USP45: variants seen among roughly 807,000 people sequenced by gnomAD.
The protein encoded by USP45 is ubiquitin carboxyl-terminal hydrolase 45.
Under a neutral mutation model 95.8 loss-of-function variants are expected in USP45, and 89 were observed. The ratio of observed to expected loss-of-function variants is 0.93; its 90% CI spans 0.78 to 1.11. The LOEUF (loss-of-function observed/expected upper bound fraction) is 1.11, where lower values mean the gene tolerates loss of function less well. Ranked by LOEUF, USP45 falls within the 50% of genes least tolerant of loss-of-function variation. The pLI is 0.00. For synonymous variants in USP45, 281 were observed against 316.2 expected, an observed-to-expected ratio of 0.89 and a Z score of 1.18; for missense variants, 898 against 942.5, an observed-to-expected ratio of 0.95 and a Z score of 0.62.
chr6:99,451,368 C>G (rs1320170084), intron 13 of USP45, among the ~76,000 whole-genome samples: 1 of 152,274 alleles, frequency 6.6e-6, no homozygotes, highest in Non-Finnish European at 1.5e-5. Flanking sequence ...GCAAAAATCA[C>G]AAGCATTCTT....
intron 1 of USP45, 67 bp downstream of exon 1, chr6:99,515,325 A>AGCGAAGACCGAGAAACT (rs1159616492): frequency 2.6e-5 from 4 of 152,222 alleles, no homozygotes; most frequent in Non-Finnish European, 5.9e-5. Context: ...AGGTCGCCGA[A>AGCGAAGACCGAGAAACT]GCGAAGACCG....
intron 13 of USP45, among the ~76,000 whole-genome samples, chr6:99,448,895 C>G (rs902181584): frequency 1.3e-5 from 2 of 152,032 alleles, no homozygotes; most frequent in African/African-American, 4.8e-5. Flanking sequence ...AGAATTTTCA[C>G]CCCAGAATTT....
chr6:99,503,123 T>G (rs901354231), intron 5 of USP45, among the ~76,000 whole-genome samples: 1 of 152,186 alleles, frequency 6.6e-6, no homozygotes, highest in Non-Finnish European at 1.5e-5. Context: ...AGTAACTCCA[T>G]AAGACAGAAT....
chr6:99,485,083 AT>A, intron 7 of USP45, among the ~76,000 whole-genome samples: 1 of 149,994 alleles, frequency 6.7e-6, no homozygotes, highest in African/African-American at 2.5e-5. Flanking sequence ...TAATCCTAGC[AT>A]TTTGGGAGGC....
At chr6:99,506,927 TG>T (rs1189042676) in intron 4 of USP45, among the ~76,000 whole-genome samples, 1 of 152,174 alleles carries the variant, frequency 6.6e-6, no homozygotes, top group Non-Finnish European at 1.5e-5. Flanking sequence ...GTAGAAAGGC[TG>T]GGCGCAGTGG....
chr6:99,446,136 TG>T lies in USP45; in HGVS notation c.1635del (p.Lys546ArgfsTer19). On this transcript the variant is annotated frameshift_variant, in exon 14 of 18. Coordinates refer to ENST00000500704, the MANE Select transcript of USP45 (RefSeq NM_001346022.3). LOFTEE classifies it high-confidence loss of function. ...TCCTTATCACCACTGTCAGTCTCCT[TG>T]GTGTACAGCAGTTTACCTGCTGACA... ...YPLSAGKLLYTKETDSGDKEM... is the reference protein window; with the variant it reads ...YPLSAGKLLYXKETDSGDKEM... 6.2e-7 allele frequency: 1 copy of T among 1,614,158 alleles called. No individual in the cohort carries two copies. Among genetic ancestry groups the T allele is most frequent in the Non-Finnish European group, 8.5e-7 (1 of 1,180,040 alleles).
chr6:99,482,883 C>T lies in USP45; in HGVS notation c.715G>A (p.Asp239Asn). 1 of 1,510,556 alleles carries T rather than the reference C, an allele frequency of 6.6e-7. No homozygotes were observed. The highest frequency in any genetic ancestry group is 8.8e-7 in the Non-Finnish European group (1 of 1,132,318). The allele number at this position is 1,510,556 out of a possible 1,614,324, so 93.6% of individuals were successfully genotyped here. The change falls in exon 8 of 18, where the codon GAC (aspartate) becomes AAC (asparagine). Residue 239 changes from aspartate to asparagine, a missense_variant and splice_region_variant. Asp to Asn is a conservative substitution (Grantham distance 23). Coordinates refer to ENST00000500704, the MANE Select transcript of USP45 (RefSeq NM_001346022.3). ...KIFPSSDSQL[D>N]PLVVELSRPG... ...CTTGAAAGTTCCACCACCAATGGGTCCTTTAAAAACATGATCAACTCTATG... is the reference window on the plus strand; with the variant it reads ...CTTGAAAGTTCCACCACCAATGGGTTCTTTAAAAACATGATCAACTCTATG...
intron 8 of USP45, among the ~76,000 whole-genome samples, chr6:99,479,601 C>CCAAAAAAAAAAAAAAAA (rs372388406): frequency 8.5e-6 from 1 of 117,074 alleles, no homozygotes; most frequent in African/African-American, 3.3e-5. Context: ...TTCCAACAGA[C>CCAAAAAAAAAAAAAAAA]AAAAAAAAAA....
intron 11 of USP45, among the ~76,000 whole-genome samples, chr6:99,465,874 T>C (rs1340352783): frequency 6.6e-6 from 1 of 152,204 alleles, no homozygotes; most frequent in African/African-American, 2.4e-5. Flanking sequence ...TTTAAGTTGT[T>C]AAAGATGGCA....
intron 4 of USP45, 144 bp downstream of exon 4, chr6:99,507,284 T>G: frequency 2.2e-6 from 1 of 461,438 alleles, no homozygotes. Context: ...TTAATTTTCT[T>G]GAAGTATCCC....
chr6:99,474,600 T>C (rs12526314), intron 9 of USP45, among the ~76,000 whole-genome samples: 22,335 of 152,184 alleles, frequency 0.15, 2,355 homozygotes, highest in Non-Finnish European at 0.21. Context: ...CATATTACCA[T>C]ATAGATTAAG....
At chr6:99,506,775 T>C (rs908479410) in intron 4 of USP45, among the ~76,000 whole-genome samples, 1 of 152,154 alleles carries the variant, frequency 6.6e-6, no homozygotes, top group Admixed American at 6.6e-5. Context: ...AGCTCTTCCC[T>C]CTCCCTTCAG....
chr6:99,479,185 CAT>C (rs71021741), intron 8 of USP45, among the ~76,000 whole-genome samples: 21,887 of 132,348 alleles, frequency 0.17, 2,221 homozygotes, highest in Non-Finnish European at 0.23. Flanking sequence ...CACACACACA[CAT>C]ACACAAAGTG....
chr6:99,511,841 G>GTATATA (rs1233019298), intron 1 of USP45, among the ~76,000 whole-genome samples: 2 of 133,542 alleles, frequency 1.5e-5, no homozygotes, highest in Non-Finnish European at 3.2e-5. Flanking sequence ...GTATGTGAGT[G>GTATATA]TGTGTATATA....
chr6:99,495,097 A>G (rs1796016733), intron 5 of USP45, among the ~76,000 whole-genome samples: 1 of 152,216 alleles, frequency 6.6e-6, no homozygotes, highest in South Asian at 2.1e-4. Flanking sequence ...ACTGAACTAT[A>G]AACAAAGTTA....
chr6:99,466,192 ATTT>A lies in USP45; in HGVS notation c.1107+477_1107+479del, dbSNP rs566696125. Among the ~76,000 whole-genome samples, 14 of 151,900 alleles carry A rather than the reference ATTT, an allele frequency of 9.2e-5. No individual in the cohort carries two copies. The South Asian group carries it at 2.7e-3, about 29-fold the overall frequency. ...CACCATGCCTGGCTAATTGTTTTGT[ATTT>A]TTTTAGTAGAGATGGGGTTTCACCA... is the stretch of plus-strand genomic sequence containing the variant. On this transcript the variant is annotated intron_variant, in intron 11 of 17. Coordinates refer to ENST00000500704, the MANE Select transcript of USP45 (RefSeq NM_001346022.3).
intron 8 of USP45, among the ~76,000 whole-genome samples, chr6:99,480,734 T>C (rs762862345): frequency 1.3e-5 from 2 of 151,940 alleles, no homozygotes; most frequent in South Asian, 2.1e-4. Context: ...TGCTACTCAA[T>C]TGCAAGACTT....
intron 9 of USP45, among the ~76,000 whole-genome samples, chr6:99,473,775 A>AC (rs764424679): frequency 2.7e-4 from 1 of 3,730 alleles, no homozygotes; most frequent in Admixed American, 3.6e-3. Flanking sequence ...CAAAAAAAAC[A>AC]AAACACACAC....
At position 99,435,722 on chromosome 6, in the gene USP45, T is replaced by TTA. The variant is rs1424832771; in HGVS notation, c.2438_2439insTA (p.Leu814AsnfsTer5). 6.2e-7 allele frequency: 1 copy of TTA among 1,611,782 alleles called. No homozygotes were observed. Among genetic ancestry groups the TTA allele is most frequent in the Middle Eastern group, 1.7e-4 (1 of 6,052 alleles). On this transcript the variant is annotated frameshift_variant, in exon 18 of 18. Coordinates refer to ENST00000500704, the MANE Select transcript of USP45 (RefSeq NM_001346022.3). LOFTEE classifies it high-confidence loss of function. ...TAATCATTACCATTAATAGTTATAA[T>TTA]ACTCTTTCATAGAAAAGAAGGTAGG...
Sources: allele counts gnomAD v4.1 joint callset (sites outside exome capture counted in the v4.1 genomes callset), GRCh38; gene constraint gnomAD v4.1.1; transcripts MANE v1.5; gene names NCBI Gene and HGNC (gene_info 2026-07-23, HGNC 2026-07-21).